Variants in PCDHA11 observed in about 807,000 individuals in gnomAD.
The protein encoded by PCDHA11 is protocadherin alpha 11, also known as protocadherin alpha-11.
In PCDHA11, 61 loss-of-function variants were observed where a neutral mutation model predicts 70.3. The ratio of observed to expected loss-of-function variants is 0.87; its 90% CI spans 0.71 to 1.07. The LOEUF (loss-of-function observed/expected upper bound fraction) is 1.07. PCDHA11 is among the 50% of genes least tolerant of loss of function. PCDHA11 has a pLI of 0.00. For missense variants in PCDHA11, 1,324 were observed against 1,237.5 expected (o/e 1.07, Z -1.05); for synonymous variants, 633 against 555.1 (o/e 1.14, Z -1.97).
intron 1 of PCDHA11, chr5:140,877,011 G>T: frequency 2.5e-6 from 4 of 1,612,512 alleles, no homozygotes. Flanking sequence ...TGCACGCGGA[G>T]AGCGGCAAGG....
chr5:140,877,092 C>G (rs200462899), intron 1 of PCDHA11: 46 of 1,613,110 alleles, frequency 2.9e-5, no homozygotes, highest in African/African-American at 6.7e-5. Flanking sequence ...CGCGCGACGC[C>G]GGCGTGCCGC....
chr5:140,934,858 CTT>C (rs1462067711), intron 1 of PCDHA11, among the ~76,000 whole-genome samples: 1 of 152,136 alleles, frequency 6.6e-6, no homozygotes, highest in African/African-American at 2.4e-5. Flanking sequence ...GCTCCTGAGT[CTT>C]TGTGAGTGTG....
intron 1 of PCDHA11, among the ~76,000 whole-genome samples, chr5:140,904,137 G>A (rs2070857554): frequency 6.6e-6 from 1 of 152,040 alleles, no homozygotes; most frequent in African/African-American, 2.4e-5. Context: ...CATCACCCGA[G>A]CAGTATACAT....
At chr5:140,960,440 T>C (rs1304890095) in intron 1 of PCDHA11, among the ~76,000 whole-genome samples, 1 of 152,164 alleles carries the variant, frequency 6.6e-6, no homozygotes, top group Admixed American at 6.5e-5. Flanking sequence ...ACTCTAGATA[T>C]ATGTATGGAT....
chr5:140,898,980 G>A (rs2067076537), intron 1 of PCDHA11, among the ~76,000 whole-genome samples: 1 of 151,930 alleles, frequency 6.6e-6, no homozygotes, highest in South Asian at 2.1e-4. Flanking sequence ...CTCATGATTT[G>A]GCTCTCTGTT....
intron 1 of PCDHA11, among the ~76,000 whole-genome samples, chr5:140,900,093 C>T (rs559553399): frequency 1.6e-4 from 24 of 152,202 alleles, no homozygotes; most frequent in Middle Eastern, 3.4e-3. Flanking sequence ...TACAAGCATG[C>T]GCCACCATAC....
intron 1 of PCDHA11, among the ~76,000 whole-genome samples, chr5:140,873,282 T>C (rs961755772): frequency 2.6e-4 from 39 of 152,330 alleles, no homozygotes; most frequent in African/African-American, 8.7e-4. Context: ...TCATACCACT[T>C]ATGAAACTTT....
intron 1 of PCDHA11, among the ~76,000 whole-genome samples, chr5:140,872,172 T>G (rs912989922): frequency 6.6e-6 from 1 of 152,230 alleles, no homozygotes; most frequent in Non-Finnish European, 1.5e-5. Flanking sequence ...TTTCTTTTTT[T>G]TTTTTACAGT....
chr5:140,922,953 G>A (rs2081086867), intron 1 of PCDHA11, among the ~76,000 whole-genome samples: 1 of 152,168 alleles, frequency 6.6e-6, no homozygotes, highest in Non-Finnish European at 1.5e-5. Context: ...AATCCAGTTT[G>A]TCTTCAGCCA....
At chr5:140,952,160 G>A (rs952147312) in intron 1 of PCDHA11, among the ~76,000 whole-genome samples, 1 of 152,044 alleles carries the variant, frequency 6.6e-6, no homozygotes, top group Non-Finnish European at 1.5e-5. Context: ...GGCTTTGTGG[G>A]GTTCAGTTCC....
At chr5:140,915,699 C>G (rs1321126272) in intron 1 of PCDHA11, among the ~76,000 whole-genome samples, 1 of 151,944 alleles carries the variant, frequency 6.6e-6, no homozygotes, top group Non-Finnish European at 1.5e-5. Context: ...GTGATGCAAG[C>G]ACTCCTGTGG....
At chr5:140,966,758 C>T in intron 1 of PCDHA11, 1 of 1,445,334 alleles carries the variant, frequency 6.9e-7, no homozygotes, top group South Asian at 1.5e-5. Flanking sequence ...TCCGCCGCGG[C>T]CAGTGGCTAT....
intron 3 of PCDHA11, among the ~76,000 whole-genome samples, chr5:140,985,683 G>T (rs926848363): frequency 3.3e-5 from 5 of 151,148 alleles, no homozygotes; most frequent in Admixed American, 6.6e-5. Flanking sequence ...CCTGCCTTAC[G>T]CTAATCCTCG....
Position 140,869,729 on chromosome 5 carries a change from A to G in PCDHA11, c.626A>G (p.Asn209Ser), listed in dbSNP as rs1554163384. 3 of 1,613,398 alleles carry G rather than the reference A, an allele frequency of 1.9e-6. No homozygotes were observed. The highest frequency in any genetic ancestry group is 3.3e-5 in the Admixed American group (2 of 60,012). Residue 209 changes from asparagine to serine, a missense_variant, in exon 1 of 4, where the codon AAT (asparagine) becomes AGT (serine). Physicochemically the swap from Asn to Ser is conservative, Grantham distance 46. Coordinates refer to ENST00000398640, the MANE Select transcript of PCDHA11 (RefSeq NM_018902.5). ...SLDREKTPEL[N>S]LLLTATDGGK... ...GATAGAGAGAAAACTCCGGAACTTAATTTGCTGCTAACAGCTACAGACGGG... is the reference window on the plus strand; with the variant it reads ...GATAGAGAGAAAACTCCGGAACTTAGTTTGCTGCTAACAGCTACAGACGGG...
chr5:140,993,372 A>T (rs2097552472), intron 3 of PCDHA11, among the ~76,000 whole-genome samples: 1 of 151,976 alleles, frequency 6.6e-6, no homozygotes, highest in South Asian at 2.1e-4. Context: ...ACTACCTCCC[A>T]GCCGGGTCCC....
rs782167817 is a variant in PCDHA11 at position 140,875,512 on chromosome 5, C to G, written c.2391+4018C>G. Reference sequence around the variant, plus strand: ...ACCAAGAGGCCCGGGATCCCAGCGTCTGCTGCTCTCGCTTCTGCTCCTTGC... The same window carrying G: ...ACCAAGAGGCCCGGGATCCCAGCGTGTGCTGCTCTCGCTTCTGCTCCTTGC... On this transcript the variant is annotated intron_variant, in intron 1 of 3. Coordinates refer to ENST00000398640, the MANE Select transcript of PCDHA11 (RefSeq NM_018902.5). 3 of 1,613,928 alleles carry G rather than the reference C, an allele frequency of 1.9e-6. No individual in the cohort carries two copies. The East Asian group carries it at 6.7e-5, about 36-fold the overall frequency.
At chr5:140,876,524 T>A in intron 1 of PCDHA11, 1 of 1,614,136 alleles carries the variant, frequency 6.2e-7, no homozygotes, top group Non-Finnish European at 8.5e-7. Flanking sequence ...CCTGAAGTAA[T>A]GGTTACTTCA....
chr5:140,969,325 A>G (rs1490022353), intron 1 of PCDHA11: 1 of 1,614,000 alleles, frequency 6.2e-7, no homozygotes, highest in Non-Finnish European at 8.5e-7. Context: ...CTGTTTCTCA[A>G]AATGAGGTGA....
rs369562052 is a variant in PCDHA11, at chr5:140,877,058, A to G, written c.2391+5564A>G. On this transcript the variant is annotated intron_variant, in intron 1 of 3. Transcript: ENST00000398640. Reference sequence around the variant, plus strand: ...CAGCCGCTAGACCACGAGGAGCTGGAGCTGCTGCAGTTCCAGGTGAGCGCG... The same window carrying G: ...CAGCCGCTAGACCACGAGGAGCTGGGGCTGCTGCAGTTCCAGGTGAGCGCG... The G allele has an allele frequency of 1.9e-6, 3 of 1,612,726 alleles. No homozygotes were observed. The African/African-American group carries it at 4.0e-5, about 22-fold the overall frequency.
Sources: allele counts gnomAD v4.1 joint callset (sites outside exome capture counted in the v4.1 genomes callset), GRCh38; gene constraint gnomAD v4.1.1; transcripts MANE v1.5; gene names NCBI Gene and HGNC (gene_info 2026-07-23, HGNC 2026-07-21).